Variants in TEX15 observed in about 807,000 individuals in gnomAD.
TEX15 encodes the protein testis-expressed protein 15.
Under a neutral mutation model 237.3 loss-of-function variants are expected in TEX15, and 171 were observed. The observed-to-expected ratio is 0.72, with a 90% confidence interval of 0.64 to 0.82. TEX15 has a LOEUF of 0.82. TEX15 is among the 40% of genes least tolerant of loss of function. The probability of loss-of-function intolerance (pLI) is 0.00; values close to 1 mark genes in which losing one functional copy is unlikely to be tolerated. For synonymous variants in TEX15, 1,338 were observed against 1,269.8 expected, an observed-to-expected ratio of 1.05 and a Z score of -1.14; for missense variants, 3,750 against 3,646.5, an observed-to-expected ratio of 1.03 and a Z score of -0.73.
Position 30,842,207 on chromosome 8 carries a change from T to C in TEX15, c.7960A>G (p.Lys2654Glu), listed in dbSNP as rs1272996361. Reference sequence around the variant, plus strand: ...ACAATATGAATATTCATTTTTTCTTTTCTCTTCAGCTGTAAAATCTTCCTT... The same window carrying C: ...ACAATATGAATATTCATTTTTTCTTCTCTCTTCAGCTGTAAAATCTTCCTT... Reference protein sequence around the residue: ...NRRKILQLKRKEKMNIHIVKP... With the variant: ...NRRKILQLKREEKMNIHIVKP... The change falls in exon 8 of 11, where the codon AAA becomes GAA. Residue 2654 changes from lysine to glutamate, a missense_variant. Transcript: ENST00000643185. The C allele has an allele frequency of 5.6e-6, 9 of 1,611,694 alleles. No individual in the cohort carries two copies. The highest frequency in any genetic ancestry group is 5.9e-6 in the Non-Finnish European group (7 of 1,179,250).
At chr8:30,898,203 T>C (rs980497881) in intron 2 of TEX15, among the ~76,000 whole-genome samples, 2 of 152,222 alleles carry the variant, frequency 1.3e-5, no homozygotes, top group African/African-American at 4.8e-5. Context: ...ATACCTGCTA[T>C]GGTCTGAATG....
At chr8:30,875,468 G>C (rs1395375384) in intron 3 of TEX15, among the ~76,000 whole-genome samples, 1 of 152,186 alleles carries the variant, frequency 6.6e-6, no homozygotes, top group African/African-American at 2.4e-5. Context: ...GTAAAGATAA[G>C]GCAATCTGCA....
At position 30,844,449 on chromosome 8, in the gene TEX15, A is replaced by G. The variant is rs374911317; in HGVS notation, c.5718T>C (p.Thr1906=). 1.4e-5 allele frequency: 23 copies of G among 1,613,178 alleles called. No individual in the cohort carries two copies. The highest frequency in any genetic ancestry group is 1.9e-5 in the Non-Finnish European group (22 of 1,179,552). The change falls in exon 8 of 11, where the codon ACT becomes ACC. Residue 1906 remains threonine, a synonymous_variant. Transcript: ENST00000643185. ...CTGTGTTCTTCAAAGGGACTGACTC[A>G]GTGGTAGTATTTTTAGTGCTCAGAT... ...DSHLSTKNTT[T]ESVPLKNTVS...
At position 30,909,129 on chromosome 8, in the gene TEX15, C is replaced by CTTTGCAATA; in HGVS notation, c.-86+3749_-86+3750insTATTGCAAA. Among the ~76,000 whole-genome samples the CTTTGCAATA allele has an allele frequency of 1.3e-5, 2 of 151,962 alleles. 1 individual carries two copies. The highest frequency in any genetic ancestry group is 4.8e-5 in the African/African-American group (2 of 41,360). On this transcript the variant is annotated intron_variant, in intron 1 of 10. Coordinates refer to ENST00000643185, the MANE Select transcript of TEX15 (RefSeq NM_001350162.2). ...ATTGTGTGTAGTTTTAGATTTATAT[C>CTTTGCAATA]AGGACAAACTAGATACTCAAATCAG...
rs1807511488 is a variant in TEX15 at position 30,843,399 on chromosome 8, C to T, written c.6768G>A (p.Glu2256=). 6.2e-7 allele frequency: 1 copy of T among 1,612,992 alleles called. No individual in the cohort carries two copies. Among genetic ancestry groups the T allele is most frequent in the East Asian group, 2.2e-5 (1 of 44,838 alleles). ...SSKVNFIKNN[E]AVRVKISLYG... ...AAAGAGATATTTTAACACGTACTGC[C>T]TCGTTGTTCTTAATAAAATTAACCT... Residue 2256 remains glutamate, a synonymous_variant, in exon 8 of 11, where the codon GAG becomes GAA. Coordinates refer to ENST00000643185, the MANE Select transcript of TEX15 (RefSeq NM_001350162.2).
intron 7 of TEX15, 96 bp from the exon 8 acceptor site, chr8:30,849,412 T>A: frequency 1.5e-6 from 1 of 688,996 alleles, no homozygotes; most frequent in Non-Finnish European, 2.3e-6. Flanking sequence ...TAATTGAAAG[T>A]TCAGCTAATA....
At position 30,837,634 on chromosome 8, in the gene TEX15, C is replaced by T. The variant is rs1213040858; in HGVS notation, c.8650G>A (p.Asp2884Asn). The change falls in exon 10 of 11, where the codon GAT becomes AAT. Residue 2884 changes from aspartate (D) to asparagine (N), a missense_variant. Physicochemically the swap from Asp to Asn is conservative, Grantham distance 23. Transcript: ENST00000643185. ...SCLSDINPET[D>N]VSLVPDASVL... is the part of the protein sequence containing the mutation. ...GACGCATCAGGCACAAGAGAAACATCAGTTTCTGGGTTTATATCAGAAAGG... is the reference window on the plus strand; with the variant it reads ...GACGCATCAGGCACAAGAGAAACATTAGTTTCTGGGTTTATATCAGAAAGG... 6.2e-7 allele frequency: 1 copy of T among 1,613,910 alleles called. No individual in the cohort carries two copies. The highest frequency in any genetic ancestry group is 8.5e-7 in the Non-Finnish European group (1 of 1,179,846).
At chr8:30,900,285 A>G (rs879660657) in intron 1 of TEX15, among the ~76,000 whole-genome samples, 6 of 152,250 alleles carry the variant, frequency 3.9e-5, no homozygotes, top group Admixed American at 3.9e-4. Context: ...AAATATAACC[A>G]TGCAATATCA....
At position 30,837,092 on chromosome 8, in the gene TEX15, T is replaced by C. The variant is rs777040651; in HGVS notation, c.9192A>G (p.Ile3064Met). The C allele has an allele frequency of 5.6e-6, 9 of 1,614,058 alleles. No individual in the cohort carries two copies. The highest frequency in any genetic ancestry group is 5.0e-5 in the Admixed American group (3 of 59,990). ...GNAITQTYQG[I>M]TSYEVQPSPS... is the part of the protein sequence containing the mutation. ...GAGATGGCTGTACTTCATATGATGT[T>C]ATCCCTTGGTATGTCTGGGTAATGG... is the stretch of plus-strand genomic sequence containing the variant. Residue 3064 changes from isoleucine (I) to methionine (M), a missense_variant, in exon 10 of 11, where the codon ATA becomes ATG. Transcript: ENST00000643185.
chr8:30,859,874 T>A lies in TEX15; in HGVS notation c.687+37A>T, dbSNP rs549613604. ...GTCTTAAAACATACAATGTGAAACATGTACTTTTCAAGAAATCAAATGAAC... is the reference window on the plus strand; with the variant it reads ...GTCTTAAAACATACAATGTGAAACAAGTACTTTTCAAGAAATCAAATGAAC... On this transcript the variant is annotated intron_variant, in intron 6 of 10. Coordinates refer to ENST00000643185, the MANE Select transcript of TEX15 (RefSeq NM_001350162.2). 2.2e-6 allele frequency: 3 copies of A among 1,352,846 alleles called. No individual in the cohort carries two copies. The African/African-American group carries it at 4.5e-5, about 20-fold the overall frequency. 83.8% of individuals were successfully genotyped at this position (1,352,846 alleles called of 1,614,324 possible). A position where few individuals can be genotyped will look rare whatever the true frequency, so the allele number is the denominator to read the frequency against.
intron 5 of TEX15, among the ~76,000 whole-genome samples, 181 bp downstream of exon 5, chr8:30,867,084 C>T (rs16877430): frequency 0.017 from 2,512 of 143,986 alleles, 85 homozygotes; most frequent in African/African-American, 0.061. Flanking sequence ...GTGTTGCACA[C>T]CCAGGTAAAG....
intron 7 of TEX15, among the ~76,000 whole-genome samples, chr8:30,854,886 A>C (rs1382611547): frequency 6.6e-6 from 1 of 152,174 alleles, no homozygotes; most frequent in Admixed American, 6.5e-5. Context: ...AAAAAGTCAC[A>C]ACCATCTCAA....
intron 5 of TEX15, among the ~76,000 whole-genome samples, chr8:30,864,009 C>T (rs1371114200): frequency 1.3e-5 from 2 of 151,832 alleles, no homozygotes; most frequent in South Asian, 2.1e-4. Flanking sequence ...GGCTGATCTA[C>T]TAGACAAAGA....
intron 4 of TEX15, among the ~76,000 whole-genome samples, chr8:30,874,383 G>A (rs1168530185): frequency 6.6e-6 from 1 of 152,180 alleles, no homozygotes; most frequent in Non-Finnish European, 1.5e-5. Context: ...TGCTTACAAT[G>A]AGAACTTTGC....
At chr8:30,857,247 T>C (rs183869348) in intron 7 of TEX15, among the ~76,000 whole-genome samples, 11 of 152,160 alleles carry the variant, frequency 7.2e-5, no homozygotes, top group Admixed American at 6.5e-4. Flanking sequence ...ACATGTAAAC[T>C]AAAATAAACT....
In TEX15 at chr8:30,837,953, T is replaced by G. The variant is rs139782205; in HGVS notation, c.8331A>C (p.Leu2777=). 2.4e-4 allele frequency: 394 copies of G among 1,614,128 alleles called. No homozygotes were observed. The African/African-American group carries it at 3.9e-3, about 16-fold the overall frequency. ...TCTCTAAGGGTAAAAGTGAGCCAGG[T>G]AGTGATCTTTGCATTTCAACCTTTT... is the stretch of plus-strand genomic sequence containing the variant. ...TPKKVEMQRS[L]PGSLLPLENP... Residue 2777 remains leucine, a synonymous_variant, in exon 10 of 11, where the codon CTA becomes CTC. Transcript: ENST00000643185.
At chr8:30,839,805 A>C (rs545206587) in intron 9 of TEX15, 101 bp downstream of exon 9, 246 of 669,374 alleles carry the variant, frequency 3.7e-4, no homozygotes, top group African/African-American at 3.5e-3. Flanking sequence ...TACATGTATG[A>C]TCCAATGACA....
chr8:30,887,130 T>G lies in TEX15; in HGVS notation c.136+37A>C, dbSNP rs576212183. On this transcript the variant is annotated intron_variant, in intron 3 of 10. Coordinates refer to ENST00000643185, the MANE Select transcript of TEX15 (RefSeq NM_001350162.2). ...ACTAAGAATCAGAGAAATACAGTAA[T>G]AGTTACTAAAAAAATTCCCAACCAC... 2.0e-6 allele frequency: 3 copies of G among 1,498,482 alleles called. No individual in the cohort carries two copies. The East Asian group carries it at 7.4e-5, about 37-fold the overall frequency. 92.8% of individuals were successfully genotyped at this position (1,498,482 alleles called of 1,614,324 possible).
At chr8:30,883,764 G>C (rs1226304148) in intron 3 of TEX15, among the ~76,000 whole-genome samples, 1 of 152,032 alleles carries the variant, frequency 6.6e-6, no homozygotes, top group African/African-American at 2.4e-5. Context: ...TGGGCATTTG[G>C]GTTGGTTCCA....
Sources: allele counts gnomAD v4.1 joint callset (sites outside exome capture counted in the v4.1 genomes callset), GRCh38; gene constraint gnomAD v4.1.1; transcripts MANE v1.5; gene names NCBI Gene and HGNC (gene_info 2026-07-23, HGNC 2026-07-21).